The following HIVEP1 variants were observed in gnomAD, a reference collection of about 807,000 sequenced individuals.
HIVEP1 encodes zinc finger protein 40.
In HIVEP1, 36 loss-of-function variants were observed where a neutral mutation model predicts 180.0. The observed-to-expected ratio is 0.20, with a 90% CI of 0.15 to 0.26. The LOEUF (loss-of-function observed/expected upper bound fraction) is 0.26. Ranked by LOEUF, HIVEP1 falls within the 10% of genes least tolerant of loss-of-function variation. The probability of loss-of-function intolerance (pLI) is 1.00; values close to 1 mark genes in which losing one functional copy is unlikely to be tolerated. For synonymous variants in HIVEP1, 1,239 were observed against 1,239.0 expected (o/e 1.00, Z 0.00); for missense variants, 3,143 against 3,268.7 (o/e 0.96, Z 0.94).
chr6:12,016,570 A>G (rs761500675), intron 2 of HIVEP1, among the ~76,000 whole-genome samples: 2 of 152,192 alleles, frequency 1.3e-5, no homozygotes, highest in Non-Finnish European at 2.9e-5. Flanking sequence ...CCATAAGGTG[A>G]TCTTTGAAAA....
intron 7 of HIVEP1, among the ~76,000 whole-genome samples, chr6:12,143,665 G>C (rs1165875690): frequency 1.3e-5 from 2 of 152,188 alleles, no homozygotes; most frequent in Non-Finnish European, 2.9e-5. Flanking sequence ...ATCTCCTTAA[G>C]CTGATAAACA....
intron 4 of HIVEP1, among the ~76,000 whole-genome samples, chr6:12,126,178 TG>T (rs1465356513): frequency 6.6e-6 from 1 of 152,264 alleles, no homozygotes; most frequent in Non-Finnish European, 1.5e-5. Context: ...TTTACTTTGA[TG>T]TTTTACTTAT....
At chr6:12,058,688 C>T (rs1051678916) in intron 2 of HIVEP1, among the ~76,000 whole-genome samples, 1 of 152,116 alleles carries the variant, frequency 6.6e-6, no homozygotes, top group Non-Finnish European at 1.5e-5. Context: ...AGGTGTGGCT[C>T]CAGCAGCTTG....
chr6:12,140,577 T>C (rs1387210885), intron 7 of HIVEP1, among the ~76,000 whole-genome samples: 1 of 152,150 alleles, frequency 6.6e-6, no homozygotes, highest in Non-Finnish European at 1.5e-5. Flanking sequence ...TTTTCCAAGC[T>C]AAAGGAGGAT....
chr6:12,089,366 A>AAATG (rs2113330135), intron 3 of HIVEP1, 129 bp downstream of exon 3: 1 of 517,100 alleles, frequency 1.9e-6, no homozygotes, highest in Admixed American at 3.5e-5. Flanking sequence ...CCTTGAACTT[A>AAATG]TTGATACTTA....
intron 2 of HIVEP1, among the ~76,000 whole-genome samples, chr6:12,047,264 T>C (rs374340260): frequency 3.3e-5 from 5 of 152,232 alleles, no homozygotes; most frequent in Non-Finnish European, 7.3e-5. Flanking sequence ...GTGTAAGTCT[T>C]GTAACGTTTT....
Position 12,161,657 on chromosome 6 carries a change from G to T in HIVEP1, c.6706G>T (p.Asp2236Tyr), listed in dbSNP as rs747814207. The T allele has an allele frequency of 1.9e-5, 31 of 1,614,020 alleles. 1 individual carries two copies. The highest frequency in any genetic ancestry group is 1.6e-4 in the Middle Eastern group (1 of 6,084). ...VSTDEDVRIT[D>Y]CFSGVHTDPM... ...TACTGACGAGGATGTCAGGATCACC[G>T]ATTGCTTTTCTGGGGTACACACGGA... is the stretch of plus-strand genomic sequence containing the variant. Residue 2236 changes from aspartate to tyrosine, a missense_variant, in exon 8 of 9, where the codon GAT (aspartate) becomes TAT (tyrosine). Coordinates refer to ENST00000379388, the MANE Select transcript of HIVEP1 (RefSeq NM_002114.4).
At position 12,163,131 on chromosome 6, in the gene HIVEP1, G is replaced by A. The variant is rs567472684; in HGVS notation, c.6979-152G>A. On this transcript the variant is annotated intron_variant, in intron 8 of 8. Coordinates refer to ENST00000379388, the MANE Select transcript of HIVEP1 (RefSeq NM_002114.4). ...AATTGGAAGCTTATTTTTAAAAATCGAAAAATAATTTCATTGCAGCAAACA... is the reference window on the plus strand; with the variant it reads ...AATTGGAAGCTTATTTTTAAAAATCAAAAAATAATTTCATTGCAGCAAACA... 771 of 705,858 alleles carry A rather than the reference G, an allele frequency of 1.1e-3. 2 individuals are homozygous for A. Among genetic ancestry groups the A allele is most frequent in the Non-Finnish European group, 1.6e-3 (658 of 422,164 alleles). The allele number at this position is 705,858 out of a possible 1,614,324, so 43.7% of individuals were successfully genotyped here.
Position 12,119,961 on chromosome 6 carries a change from G to A in HIVEP1, c.166G>A (p.Glu56Lys). The change falls in exon 4 of 9, where the codon GAG becomes AAG. Residue 56 changes from glutamate to lysine, a missense_variant. Glu to Lys is a moderately conservative substitution (Grantham distance 56). This residue lies in a region of HIVEP1 where 114 missense variants were observed against 134.5 expected (regional missense o/e 0.85). Coordinates refer to ENST00000379388, the MANE Select transcript of HIVEP1 (RefSeq NM_002114.4). ...TGTGAAACGCAAAAAGATCGTAGCT[G>A]AGAATCACCTGAAAAAAATACCAAA... ...KGVKRKKIVA[E>K]NHLKKIPKSP... 6.2e-7 allele frequency: 1 copy of A among 1,610,134 alleles called. No individual in the cohort carries two copies. The highest frequency in any genetic ancestry group is 1.1e-5 in the South Asian group (1 of 90,040).
chr6:12,097,592 T>C (rs750747521), intron 3 of HIVEP1, among the ~76,000 whole-genome samples: 5 of 152,160 alleles, frequency 3.3e-5, no homozygotes, highest in Non-Finnish European at 7.4e-5. Context: ...TCTCTTAGTG[T>C]AATAGACAGT....
the HIVEP1 span, among the ~76,000 whole-genome samples, chr6:12,192,848 C>CTT: frequency 6.3e-4 from 91 of 145,458 alleles, no homozygotes; most frequent in African/African-American, 2.3e-3. Context: ...TTGAAACATA[C>CTT]TTTTTTTTTT....
rs888821087 is a variant in HIVEP1, at chr6:12,123,052, T to C, written c.3257T>C (p.Ile1086Thr). 7.4e-6 allele frequency: 12 copies of C among 1,614,040 alleles called. No individual in the cohort carries two copies. The highest frequency in any genetic ancestry group is 3.3e-4 in the Middle Eastern group (2 of 6,084). ...AGAAGTGACCAGCAGCATAAAAATA[T>C]ACAGTTGCAAAACTCCCATATTCAC... is the stretch of plus-strand genomic sequence containing the variant. ...TIRSDQQHKN[I>T]QLQNSHIHLV... Residue 1086 changes from isoleucine to threonine, a missense_variant, in exon 4 of 9, where the codon ATA becomes ACA. Around this residue, in one of 12 missense-constraint regions of HIVEP1, gnomAD observed 1,357 missense variants for 1,260.5 expected, o/e 1.08. Transcript: ENST00000379388.
chr6:12,164,175 A>G lies in HIVEP1; in HGVS notation c.7871A>G (p.His2624Arg). Residue 2624 changes from histidine to arginine, a missense_variant, in exon 9 of 9, where the codon CAT (histidine) becomes CGT (arginine). Physicochemically the swap from His to Arg is conservative, Grantham distance 29. Coordinates refer to ENST00000379388, the MANE Select transcript of HIVEP1 (RefSeq NM_002114.4). ...VLNPPAPAGD[H>R]ARLDGLSKMD... ...AATCCACCTGCCCCTGCAGGTGACC[A>G]TGCAAGGCTTGATGGCCTGAGTAAA... 1 of 1,614,200 alleles carries G rather than the reference A, an allele frequency of 6.2e-7. No homozygotes were observed.
At position 12,123,933 on chromosome 6, in the gene HIVEP1, G is replaced by A; in HGVS notation, c.4138G>A (p.Val1380Ile). ...QINCTQTSME[V>I]SDLRSKSFDC... ...TAATTGCACGCAAACGTCAATGGAG[G>A]TCTCTGATCTCAGAAGCAAATCATT... Residue 1380 changes from valine to isoleucine, a missense_variant, in exon 4 of 9, where the codon GTC becomes ATC. Around this residue, in one of 12 missense-constraint regions of HIVEP1, gnomAD observed 1,357 missense variants for 1,260.5 expected, o/e 1.08. Coordinates refer to ENST00000379388, the MANE Select transcript of HIVEP1 (RefSeq NM_002114.4). 1 of 1,614,112 alleles carries A rather than the reference G, an allele frequency of 6.2e-7. No homozygotes were observed. Among genetic ancestry groups the A allele is most frequent in the Non-Finnish European group, 8.5e-7 (1 of 1,179,994 alleles).
chr6:12,099,930 T>G (rs1052035408), intron 3 of HIVEP1, among the ~76,000 whole-genome samples: 6 of 152,378 alleles, frequency 3.9e-5, no homozygotes, highest in African/African-American at 1.4e-4. Context: ...ACAAATAGTT[T>G]GTGTATGTCG....
In HIVEP1 at chr6:12,123,122, G is replaced by A. The variant is rs201766884; in HGVS notation, c.3327G>A (p.Ser1109=). 15 of 1,614,046 alleles carry A rather than the reference G, an allele frequency of 9.3e-6. No homozygotes were observed. Among genetic ancestry groups the A allele is most frequent in the Middle Eastern group, 1.6e-4 (1 of 6,062 alleles). Residue 1109 remains serine, a synonymous_variant, in exon 4 of 9, where the codon TCG becomes TCA. Coordinates refer to ENST00000379388, the MANE Select transcript of HIVEP1 (RefSeq NM_002114.4). Reference sequence around the variant, plus strand: ...AGCAGACCATGGATCCCAAGCTGTCGACCATCATGGAACAACAGATAAGTT... The same window carrying A: ...AGCAGACCATGGATCCCAAGCTGTCAACCATCATGGAACAACAGATAAGTT... The part of the protein sequence containing the change: ...GPEQTMDPKL[S]TIMEQQISSA...
chr6:12,131,779 T>TAAAAAAAAAAA (rs143910763), intron 6 of HIVEP1, among the ~76,000 whole-genome samples: 2 of 90,666 alleles, frequency 2.2e-5, no homozygotes, highest in African/African-American at 4.3e-5. Flanking sequence ...GAGAAAACAG[T>TAAAAAAAAAAA]AAAAAAAAAA....
chr6:12,131,017 T>G, intron 6 of HIVEP1, 75 bp downstream of exon 6: 1 of 1,047,842 alleles, frequency 9.5e-7, no homozygotes, highest in Non-Finnish European at 1.4e-6. Flanking sequence ...ACTGTGCGTT[T>G]TCTTTGACCG....
chr6:12,086,123 A>C (rs1259250865), intron 2 of HIVEP1, among the ~76,000 whole-genome samples: 1 of 152,124 alleles, frequency 6.6e-6, no homozygotes, highest in Non-Finnish European at 1.5e-5. Flanking sequence ...TAGGACAAAA[A>C]TTTAGTCTAT....
Sources: gnomAD v4.1 joint callset for allele counts (sites outside exome capture counted in the v4.1 genomes callset) on GRCh38, gnomAD v4.1.1 for gene constraint, gnomAD v4.1.1 regional missense constraint, MANE v1.5 for transcripts, NCBI Gene and HGNC (gene_info 2026-07-23, HGNC 2026-07-21) for gene names.